Variants in SLC13A3 observed in about 807,000 individuals in gnomAD.
The protein encoded by SLC13A3 is Na(+)/dicarboxylate cotransporter 3.
SLC13A3 carries 40 observed loss-of-function variants against 59.0 expected under a neutral mutation model. The observed-to-expected ratio is 0.68, with a 90% CI of 0.53 to 0.88. The LOEUF is 0.88. Among genes scored for constraint, SLC13A3 ranks in the 40% least tolerant of loss-of-function variants. The pLI is 0.00. For synonymous variants in SLC13A3, 317 were observed against 330.3 expected (o/e 0.96, Z 0.44); for missense variants, 699 against 783.2 (o/e 0.89, Z 1.28).
At chr20:46,582,791 C>T (rs2062151309) in intron 9 of SLC13A3, 2 of 985,338 alleles carry the variant, frequency 2.0e-6, no homozygotes, top group Non-Finnish European at 2.4e-6. Flanking sequence ...TTCCTGACTC[C>T]GGAGGAGCTC....
upstream of SLC13A3, chr20:46,651,547 C>T (rs2062952557): frequency 2.3e-6 from 3 of 1,315,126 alleles, no homozygotes; most frequent in South Asian, 4.3e-5. Flanking sequence ...CCCTGCTCCT[C>T]CTGGAGGAAA....
upstream of SLC13A3, among the ~76,000 whole-genome samples, chr20:46,656,181 G>C (rs1168352129): frequency 7.1e-6 from 1 of 141,504 alleles, no homozygotes; most frequent in Non-Finnish European, 1.5e-5. Flanking sequence ...GTATTATATT[G>C]TATATAATAT....
upstream of SLC13A3, among the ~76,000 whole-genome samples, chr20:46,671,991 T>C (rs918978875): frequency 1.3e-5 from 2 of 152,208 alleles, no homozygotes; most frequent in South Asian, 2.1e-4. Flanking sequence ...CCTGTCCCAC[T>C]AAACAGGTCA....
upstream of SLC13A3, among the ~76,000 whole-genome samples, chr20:46,654,046 C>T (rs570742424): frequency 2.1e-4 from 32 of 152,244 alleles, no homozygotes; most frequent in African/African-American, 7.2e-4. Flanking sequence ...ACAGAGGCTG[C>T]ACTATTTTAC....
intron 1 of SLC13A3, among the ~76,000 whole-genome samples, chr20:46,631,535 C>T (rs1417089815): frequency 6.6e-6 from 1 of 152,146 alleles, no homozygotes; most frequent in East Asian, 1.9e-4. Context: ...GAGGCTCACG[C>T]GTGACCCTGA....
chr20:46,583,816 T>G (rs389905), intron 8 of SLC13A3, 147 bp from the exon 9 acceptor site: 544,267 of 1,470,464 alleles, frequency 0.37, 106,091 homozygotes, highest in African/African-American at 0.65. Flanking sequence ...ATTCTGTCCT[T>G]CAGTGCGCTC....
chr20:46,587,999 G>C (rs1166086264), intron 8 of SLC13A3, 60 bp downstream of exon 8: 10 of 927,778 alleles, frequency 1.1e-5, no homozygotes, highest in African/African-American at 3.3e-5. Context: ...TCCAGCTCCA[G>C]GTGGCCCAGC....
intron 2 of SLC13A3, among the ~76,000 whole-genome samples, chr20:46,612,607 C>CA (rs3086509): frequency 7.4e-5 from 11 of 149,048 alleles, no homozygotes; most frequent in South Asian, 4.3e-4. Flanking sequence ...TGTCTGTGTT[C>CA]AAAAAAAAAA....
chr20:46,677,233 C>T (rs1006452516), intron 1 of SLC13A3, among the ~76,000 whole-genome samples: 1 of 152,124 alleles, frequency 6.6e-6, no homozygotes, highest in Admixed American at 6.6e-5. Context: ...TATTGAAGTA[C>T]AACATAAATA....
chr20:46,607,828 C>T (rs538722857), intron 3 of SLC13A3, among the ~76,000 whole-genome samples: 6 of 152,310 alleles, frequency 3.9e-5, no homozygotes, highest in East Asian at 1.9e-4. Flanking sequence ...AACTGCGTAA[C>T]GGGGGGTGGG....
intron 12 of SLC13A3, 116 bp downstream of exon 12, chr20:46,563,298 C>A: frequency 8.4e-7 from 1 of 1,196,686 alleles, no homozygotes; most frequent in East Asian, 2.6e-5. Flanking sequence ...TCAGAAAGAT[C>A]TATTCAGAGA....
intron 1 of SLC13A3, among the ~76,000 whole-genome samples, chr20:46,660,469 C>G (rs1332534631): frequency 6.6e-6 from 1 of 152,002 alleles, no homozygotes; most frequent in Non-Finnish European, 1.5e-5. Context: ...TATCATTGAT[C>G]CCCTGTAAGT....
chr20:46,621,065 T>C (rs1040411314), intron 1 of SLC13A3, among the ~76,000 whole-genome samples: 1 of 152,172 alleles, frequency 6.6e-6, no homozygotes, highest in African/African-American at 2.4e-5. Context: ...CATGGCAACA[T>C]TTTTGGGGGG....
chr20:46,629,009 CA>C (rs1245217097), intron 1 of SLC13A3, among the ~76,000 whole-genome samples: 2 of 152,192 alleles, frequency 1.3e-5, no homozygotes, highest in Non-Finnish European at 2.9e-5. Context: ...GTCTACATCA[CA>C]GAGGATTCCA....
rs758959951 is a variant in SLC13A3, at chr20:46,563,442, G to A, written c.1604C>T (p.Ala535Val). 6.2e-7 allele frequency: 1 copy of A among 1,614,152 alleles called. No homozygotes were observed. Among genetic ancestry groups the A allele is most frequent in the South Asian group, 1.1e-5 (1 of 91,066 alleles). Residue 535 changes from alanine to valine, a missense_variant, in exon 12 of 13, where the codon GCC becomes GTC. Coordinates refer to ENST00000279027, the MANE Select transcript of SLC13A3 (RefSeq NM_022829.6). The part of the protein sequence containing the change: ...VSTPPNSIAF[A>V]SGHLLVKDMV... Reference sequence around the variant, plus strand: ...GTCTTTGACCAGCAAGTGTCCAGAGGCGAAGGCGATGGAGTTGGGGGGCGT... The same window carrying A: ...GTCTTTGACCAGCAAGTGTCCAGAGACGAAGGCGATGGAGTTGGGGGGCGT...
chr20:46,625,333 TTAAAG>T (rs2062657383), intron 1 of SLC13A3, among the ~76,000 whole-genome samples: 5 of 152,336 alleles, frequency 3.3e-5, no homozygotes, highest in African/African-American at 7.2e-5. Context: ...TGTTTGTGTA[TTAAAG>T]TAATTGGAGG....
chr20:46,681,112 C>T (rs1488131671), intron 1 of SLC13A3, among the ~76,000 whole-genome samples: 1 of 152,220 alleles, frequency 6.6e-6, no homozygotes, highest in African/African-American at 2.4e-5. Context: ...CCTCCCAGGC[C>T]GCGGCTGGAC....
chr20:46,596,313 G>A lies in SLC13A3; in HGVS notation c.638C>T (p.Pro213Leu). ...AKDHPGETEV[P>L]LDLPADSRKE... is the part of the protein sequence containing the mutation. ...CCTGGAGTCAGCCGGCAGATCCAGT[G>A]GAACCTCTGTCTCCCCAGGGTGGTC... The change falls in exon 5 of 13, where the codon CCA becomes CTA. Residue 213 changes from proline (P) to leucine (L), a missense_variant. Pro to Leu is a moderately conservative substitution (Grantham distance 98). Coordinates refer to ENST00000279027, the MANE Select transcript of SLC13A3 (RefSeq NM_022829.6). 1 of 1,614,140 alleles carries A rather than the reference G, an allele frequency of 6.2e-7. No individual in the cohort carries two copies. Among genetic ancestry groups the A allele is most frequent in the Non-Finnish European group, 8.5e-7 (1 of 1,180,034 alleles).
intron 1 of SLC13A3, among the ~76,000 whole-genome samples, chr20:46,637,896 C>T (rs2062809927): frequency 6.6e-6 from 1 of 152,168 alleles, no homozygotes; most frequent in Non-Finnish European, 1.5e-5. Flanking sequence ...TTCAGGGGGA[C>T]ATACCACCCC....
Sources: allele counts gnomAD v4.1 joint callset (sites outside exome capture counted in the v4.1 genomes callset), GRCh38; gene constraint gnomAD v4.1.1; transcripts MANE v1.5; gene names NCBI Gene and HGNC (gene_info 2026-07-23, HGNC 2026-07-21).